SI: variants seen among roughly 807,000 people sequenced by gnomAD.
SI encodes the protein sucrase-isomaltase, intestinal.
Under a neutral mutation model 253.3 loss-of-function variants are expected in SI, and 235 were observed. The ratio of observed to expected loss-of-function variants is 0.93; its 90% CI spans 0.83 to 1.03. The LOEUF is 1.03. Among genes scored for constraint, SI ranks in the 50% least tolerant of loss-of-function variants. SI has a pLI of 0.00. For missense variants in SI, 2,442 were observed against 2,211.1 expected, an observed-to-expected ratio of 1.10 and a Z score of -2.09; for synonymous variants, 819 against 712.0, an observed-to-expected ratio of 1.15 and a Z score of -2.39.
chr3:165,009,347 C>T lies in SI; in HGVS notation c.4111G>A (p.Ala1371Thr). 6.2e-7 allele frequency: 1 copy of T among 1,613,638 alleles called. No homozygotes were observed. The highest frequency in any genetic ancestry group is 8.5e-7 in the Non-Finnish European group (1 of 1,179,688). The stretch of plus-strand genomic sequence containing the variant: ...ACAATTTCTCTGGCCCACCACTCTG[C>T]TGTGGAAGTCCTGAAGAAATCTGGG... ...AFPDFFRTST[A>T]EWWAREIVDF... Residue 1371 changes from alanine (A) to threonine (T), a missense_variant, in exon 35 of 48, where the codon GCA becomes ACA. Coordinates refer to ENST00000264382, the MANE Select transcript of SI (RefSeq NM_001041.4).
At chr3:165,083,335 T>TA (rs977694089), upstream of SI, among the ~76,000 whole-genome samples, 4 of 151,796 alleles carry the variant, frequency 2.6e-5, no homozygotes, top group Admixed American at 6.6e-5. Flanking sequence ...CATTTTTTTT[T>TA]AAAAAAAGAA....
chr3:164,983,068 A>C lies in SI; in HGVS notation c.5198-17T>G. 1 of 1,539,112 alleles carries C rather than the reference A, an allele frequency of 6.5e-7. No homozygotes were observed. The highest frequency in any genetic ancestry group is 8.9e-7 in the Non-Finnish European group (1 of 1,120,630). ...CATAGGTGTCTGTAGAGAGAGAAAA[A>C]AAATGTGATATATTGTTATTTCCAA... On this transcript the variant is annotated splice_polypyrimidine_tract_variant and intron_variant, in intron 45 of 47. Transcript: ENST00000264382.
intron 7 of SI, among the ~76,000 whole-genome samples, 174 bp downstream of exon 7, chr3:165,065,087 A>C (rs1301409014): frequency 6.6e-6 from 1 of 152,052 alleles, no homozygotes; most frequent in African/African-American, 2.4e-5. Flanking sequence ...TCACTGAGTC[A>C]ATTTAGAACC....
intron 25 of SI, among the ~76,000 whole-genome samples, chr3:165,028,338 A>C (rs543933816): frequency 6.6e-6 from 1 of 151,548 alleles, no homozygotes; most frequent in Non-Finnish European, 1.5e-5. Context: ...ATGGATAGAA[A>C]GAATATTGTG....
intron 44 of SI, among the ~76,000 whole-genome samples, chr3:164,990,275 G>A (rs537309111): frequency 9.2e-5 from 14 of 151,994 alleles, no homozygotes; most frequent in East Asian, 1.9e-4. Flanking sequence ...TCATGTTTTC[G>A]TAAAGTGATC....
At chr3:165,052,430 T>C (rs980524724) in intron 13 of SI, among the ~76,000 whole-genome samples, 1 of 152,018 alleles carries the variant, frequency 6.6e-6, no homozygotes, top group African/African-American at 2.4e-5. Context: ...CCAAGGCGGG[T>C]GGATCATTTG....
At chr3:164,999,690 A>G (rs1718174017) in intron 37 of SI, among the ~76,000 whole-genome samples, 1 of 151,666 alleles carries the variant, frequency 6.6e-6, no homozygotes, top group Admixed American at 6.6e-5. Context: ...ATCAAGTGCT[A>G]TACTTTAATC....
intron 25 of SI, among the ~76,000 whole-genome samples, chr3:165,025,119 C>T (rs1006785461): frequency 1.3e-5 from 2 of 151,048 alleles, no homozygotes; most frequent in African/African-American, 4.8e-5. Flanking sequence ...TTTGTAATCG[C>T]CCAGGGTTTA....
the SI span, among the ~76,000 whole-genome samples, chr3:165,088,094 C>T: frequency 6.6e-6 from 1 of 151,992 alleles, no homozygotes; most frequent in Non-Finnish European, 1.5e-5. Flanking sequence ...ACCTGTAATC[C>T]CAGCACTTTG....
At chr3:165,020,393 A>C (rs2108181366) in intron 27 of SI, among the ~76,000 whole-genome samples, 1 of 151,850 alleles carries the variant, frequency 6.6e-6, no homozygotes, top group South Asian at 2.1e-4. Flanking sequence ...AGGAAGCGTA[A>C]GTATTACAAG....
At chr3:165,029,841 G>T (rs1232164882) in intron 25 of SI, among the ~76,000 whole-genome samples, 1 of 150,080 alleles carries the variant, frequency 6.7e-6, no homozygotes, top group Non-Finnish European at 1.5e-5. Context: ...TTAGAGAAGT[G>T]AACTTCACTA....
At chr3:165,007,838 C>A (rs1718587703) in intron 36 of SI, 73 bp downstream of exon 36, 7 of 530,452 alleles carry the variant, frequency 1.3e-5, no homozygotes, top group Non-Finnish European at 2.4e-5. Flanking sequence ...TGATATATAT[C>A]AGTTTATATT....
At chr3:165,068,315 T>C (rs895985590) in intron 5 of SI, among the ~76,000 whole-genome samples, 11 of 152,216 alleles carry the variant, frequency 7.2e-5, no homozygotes, top group African/African-American at 1.7e-4. Flanking sequence ...AGCACACTAT[T>C]ATTATTCGTA....
chr3:164,994,457 A>G (rs1451407975), intron 40 of SI, 52 bp from the exon 41 acceptor site: 4 of 1,559,442 alleles, frequency 2.6e-6, no homozygotes, highest in East Asian at 2.3e-5. Context: ...TGTTTAAGTC[A>G]TAATATTCAT....
In SI at chr3:165,006,806, C is replaced by T. The variant is rs373609119; in HGVS notation, c.4406+10G>A. 32 of 1,609,860 alleles carry T rather than the reference C, an allele frequency of 2.0e-5. No homozygotes were observed. The highest frequency in any genetic ancestry group is 3.3e-5 in the Admixed American group (2 of 59,956). The stretch of plus-strand genomic sequence containing the variant: ...AAGAGTCAGAGAGGATAATTCAGAA[C>T]ATTGCTTACTCATGAGTAGGTTTCA... On this transcript the variant is annotated intron_variant, in intron 37 of 47. Transcript: ENST00000264382.
At chr3:164,987,983 A>G (rs578101318) in intron 44 of SI, among the ~76,000 whole-genome samples, 13 of 152,280 alleles carry the variant, frequency 8.5e-5, no homozygotes, top group African/African-American at 3.1e-4. Context: ...ATTAATAAGA[A>G]TGTATAAAGT....
At chr3:165,001,488 A>G (rs1718253944) in intron 37 of SI, among the ~76,000 whole-genome samples, 1 of 151,550 alleles carries the variant, frequency 6.6e-6, no homozygotes, top group South Asian at 2.1e-4. Flanking sequence ...AGGCTAAAAT[A>G]TTTTAATTAT....
rs1189125449 is a variant in SI at position 165,073,196 on chromosome 3, C to G, written c.255+1335G>C. 6.3e-3 allele frequency among the ~76,000 whole-genome samples: 406 copies of G among 64,360 alleles called. 2 individuals are homozygous for G. Among genetic ancestry groups the G allele is most frequent in the Non-Finnish European group, 9.6e-3 (318 of 33,132 alleles). 42.2% of individuals were successfully genotyped at this position (64,360 alleles called of 152,430 possible). A position where few individuals can be genotyped will look rare whatever the true frequency, so the allele number is the denominator to read the frequency against. On this transcript the variant is annotated intron_variant, in intron 3 of 47. Coordinates refer to ENST00000264382, the MANE Select transcript of SI (RefSeq NM_001041.4). ...TCTCTCTCTCTCTCTCTCTCTCTCT[C>G]TCTCTCTCTCTCTCTCTCTCTCTCT...
chr3:165,031,219 T>A (rs1712219510), intron 24 of SI, among the ~76,000 whole-genome samples: 1 of 149,778 alleles, frequency 6.7e-6, no homozygotes, highest in African/African-American at 2.4e-5. Context: ...ACCTAGATTT[T>A]CATCTGCATA....
Sources: allele counts gnomAD v4.1 joint callset (sites outside exome capture counted in the v4.1 genomes callset), GRCh38; gene constraint gnomAD v4.1.1; transcripts MANE v1.5; gene names NCBI Gene and HGNC (gene_info 2026-07-23, HGNC 2026-07-21).